The following UNC5D variants were observed in gnomAD, a reference collection of about 807,000 sequenced individuals.
UNC5D encodes the protein unc-5 netrin receptor D.
A neutral mutation model predicts 105.4 loss-of-function variants in UNC5D; 39 were observed. That is an observed-to-expected ratio of 0.37 (90% CI 0.29 to 0.48). UNC5D has a LOEUF of 0.48. Among genes scored for constraint, UNC5D ranks in the 20% least tolerant of loss-of-function variants. UNC5D has a pLI of 0.98. For synonymous variants in UNC5D, 452 were observed against 450.4 expected, an observed-to-expected ratio of 1.00 and a Z score of -0.04; for missense variants, 991 against 1,202.4, an observed-to-expected ratio of 0.82 and a Z score of 2.60.
intron 1 of UNC5D, among the ~76,000 whole-genome samples, chr8:35,534,002 G>A (rs1019187235): frequency 7.4e-5 from 11 of 149,592 alleles, no homozygotes; most frequent in African/African-American, 2.0e-4. Context: ...GAAATCACCC[G>A]TCTTCTGCGT....
At chr8:35,320,009 A>C (rs1201001648) in intron 1 of UNC5D, among the ~76,000 whole-genome samples, 1 of 152,122 alleles carries the variant, frequency 6.6e-6, no homozygotes, top group Non-Finnish European at 1.5e-5. Flanking sequence ...AAATTCTGTA[A>C]AATATTTGAA....
At chr8:35,609,670 G>A (rs1475774235) in intron 4 of UNC5D, among the ~76,000 whole-genome samples, 1 of 152,196 alleles carries the variant, frequency 6.6e-6, no homozygotes. Flanking sequence ...TGGGAACTGT[G>A]TTTAGAAACT....
chr8:35,250,740 G>A (rs7835445), intron 1 of UNC5D, among the ~76,000 whole-genome samples: 22,197 of 151,940 alleles, frequency 0.15, 1,912 homozygotes, highest in Non-Finnish European at 0.2. Flanking sequence ...CAGGCAATCC[G>A]CCCGCCTCGG....
chr8:35,533,420 G>T (rs1414868759), intron 1 of UNC5D, among the ~76,000 whole-genome samples: 1 of 152,070 alleles, frequency 6.6e-6, no homozygotes, highest in Non-Finnish European at 1.5e-5. Flanking sequence ...ATCTCCAGCT[G>T]CGTGCTGGGA....
chr8:35,501,315 C>T (rs1035714134), intron 1 of UNC5D, among the ~76,000 whole-genome samples: 1 of 152,258 alleles, frequency 6.6e-6, no homozygotes, highest in Non-Finnish European at 1.5e-5. Flanking sequence ...CAGTTGGCCT[C>T]CCACATGTTT....
chr8:35,595,696 A>T (rs539100758), intron 4 of UNC5D, 39 bp downstream of exon 4: 2 of 1,590,032 alleles, frequency 1.3e-6, no homozygotes, highest in African/African-American at 2.7e-5. Flanking sequence ...GGGAGGAACC[A>T]GGCCTGTTCC....
At chr8:35,711,008 G>A (rs1330103124) in intron 8 of UNC5D, among the ~76,000 whole-genome samples, 7 of 121,928 alleles carry the variant, frequency 5.7e-5, no homozygotes, top group East Asian at 5.1e-4. Flanking sequence ...GCCTGATCTC[G>A]GCTCACTGCA....
At chr8:35,330,051 A>G (rs117186926) in intron 1 of UNC5D, among the ~76,000 whole-genome samples, 6 of 152,320 alleles carry the variant, frequency 3.9e-5, no homozygotes, top group Non-Finnish European at 8.8e-5. Context: ...AAACTAAATA[A>G]TAATTGGAAA....
At chr8:35,718,668 G>A (rs1828396730) in intron 8 of UNC5D, among the ~76,000 whole-genome samples, 2 of 152,196 alleles carry the variant, frequency 1.3e-5, no homozygotes, top group South Asian at 4.1e-4. Flanking sequence ...GATCTAGGAA[G>A]TACAAGTGAT....
At chr8:35,525,531 G>A (rs377478767) in intron 1 of UNC5D, 9 of 1,612,248 alleles carry the variant, frequency 5.6e-6, no homozygotes, top group African/African-American at 5.3e-5. Flanking sequence ...TGAAGCTAGG[G>A]GAGGAGGGGT....
At chr8:35,478,550 T>A (rs1810267638) in intron 1 of UNC5D, among the ~76,000 whole-genome samples, 1 of 152,310 alleles carries the variant, frequency 6.6e-6, no homozygotes, top group East Asian at 1.9e-4. Flanking sequence ...GCTGACTTGG[T>A]GCTAAAGTTA....
intron 1 of UNC5D, among the ~76,000 whole-genome samples, chr8:35,496,506 A>G (rs1421169372): frequency 6.6e-6 from 1 of 152,174 alleles, no homozygotes; most frequent in African/African-American, 2.4e-5. Context: ...AGAGATAAAT[A>G]ACTCAGAAAA....
intron 4 of UNC5D, among the ~76,000 whole-genome samples, chr8:35,664,676 G>A (rs1479143294): frequency 1.3e-5 from 2 of 151,956 alleles, no homozygotes; most frequent in African/African-American, 4.8e-5. Flanking sequence ...ACCTCACCTG[G>A]CCTAATGATT....
chr8:35,527,032 T>G (rs1233751487), intron 1 of UNC5D, among the ~76,000 whole-genome samples: 4 of 152,184 alleles, frequency 2.6e-5, no homozygotes, highest in African/African-American at 9.7e-5. Context: ...GAATGTCACT[T>G]AGAGAAAAGA....
chr8:35,596,810 T>G (rs2130906940), intron 4 of UNC5D, among the ~76,000 whole-genome samples: 1 of 152,308 alleles, frequency 6.6e-6, no homozygotes, highest in South Asian at 2.1e-4. Flanking sequence ...GATATGCATT[T>G]ATCTCAGTGA....
chr8:35,684,085 C>A (rs1002844250), intron 5 of UNC5D, among the ~76,000 whole-genome samples: 2 of 152,190 alleles, frequency 1.3e-5, no homozygotes, highest in Non-Finnish European at 2.9e-5. Flanking sequence ...CCAGTTTTTC[C>A]TAGACCTGCT....
rs761932660 is a variant in UNC5D, at chr8:35,792,893, C to T, written c.*2330C>T. ...ATGAAAATTCTAAATGATTTTCCCT[C>T]AAATCTATCTAGATTATTTTAAGAT... On this transcript the variant is annotated 3_prime_UTR_variant, in exon 17 of 17. Transcript: ENST00000404895. 2.3e-5 allele frequency: 9 copies of T among 383,350 alleles called. No individual in the cohort carries two copies. The Admixed American group carries it at 2.7e-4, about 12-fold the overall frequency. 23.7% of individuals were successfully genotyped at this position (383,350 alleles called of 1,614,324 possible). A position where few individuals can be genotyped will look rare whatever the true frequency, so the allele number is the denominator to read the frequency against.
chr8:35,366,190 C>T (rs151020142), intron 1 of UNC5D, among the ~76,000 whole-genome samples: 1 of 151,442 alleles, frequency 6.6e-6, no homozygotes, highest in East Asian at 1.9e-4. Context: ...ATTTTTTTTT[C>T]TAAATCAGGC....
chr8:35,612,893 C>A (rs144205131), intron 4 of UNC5D, among the ~76,000 whole-genome samples: 242 of 151,886 alleles, frequency 1.6e-3, no homozygotes, highest in African/African-American at 5.6e-3. Flanking sequence ...AGATAGAAGC[C>A]CAACAAATGC....
Sources: gnomAD v4.1 joint callset for allele counts (sites outside exome capture counted in the v4.1 genomes callset) on GRCh38, gnomAD v4.1.1 for gene constraint, MANE v1.5 for transcripts, NCBI Gene and HGNC (gene_info 2026-07-23, HGNC 2026-07-21) for gene names.